WDFY2: variants seen among roughly 807,000 people sequenced by gnomAD.
WDFY2 encodes the protein WD repeat and FYVE domain-containing protein 2.
WDFY2 carries 36 observed loss-of-function variants against 56.4 expected under a neutral mutation model. The observed-to-expected ratio is 0.64, with a 90% confidence interval of 0.49 to 0.84. WDFY2 has a LOEUF of 0.84. Ranked by LOEUF, WDFY2 falls within the 40% of genes least tolerant of loss-of-function variation. The pLI is 0.00. For missense variants in WDFY2, 444 were observed against 512.2 expected, an observed-to-expected ratio of 0.87 and a Z score of 1.29; for synonymous variants, 176 against 183.7, an observed-to-expected ratio of 0.96 and a Z score of 0.34.
chr13:51,751,465 C>T, intron 8 of WDFY2, 50 bp downstream of exon 8: 1 of 1,481,262 alleles, frequency 6.8e-7, no homozygotes, highest in Non-Finnish European at 9.4e-7. Context: ...GGCCCTGCCT[C>T]CCTTCCTGCT....
intron 1 of WDFY2, among the ~76,000 whole-genome samples, chr13:51,655,868 T>A (rs1319677889): frequency 1.3e-5 from 2 of 152,128 alleles, no homozygotes; most frequent in Admixed American, 6.5e-5. Flanking sequence ...ATCCATTTCT[T>A]CTTGAGTCAG....
intron 1 of WDFY2, among the ~76,000 whole-genome samples, chr13:51,645,295 G>T (rs1227471085): frequency 1.3e-5 from 2 of 151,974 alleles, no homozygotes; most frequent in African/African-American, 4.8e-5. Flanking sequence ...GAAATTCAGG[G>T]CCTTCAAAAC....
intron 2 of WDFY2, 77 bp from the exon 3 acceptor site, chr13:51,675,093 T>G (rs1487641992): frequency 7.4e-7 from 1 of 1,353,864 alleles, no homozygotes; most frequent in African/African-American, 1.4e-5. Context: ...AGCCCCACAC[T>G]TTTAGCTAGT....
chr13:51,665,443 A>T (rs1044359543), intron 2 of WDFY2, among the ~76,000 whole-genome samples: 1 of 152,206 alleles, frequency 6.6e-6, no homozygotes, highest in East Asian at 1.9e-4. Flanking sequence ...TTCAACCACC[A>T]CAGTTGGATC....
chr13:51,705,077 G>T (rs1050242093), intron 4 of WDFY2, among the ~76,000 whole-genome samples: 7 of 152,188 alleles, frequency 4.6e-5, no homozygotes, highest in Admixed American at 1.3e-4. Context: ...ATGAAAGCCA[G>T]CTGCCATGTT....
intron 1 of WDFY2, among the ~76,000 whole-genome samples, chr13:51,625,776 G>A (rs1566321814): frequency 6.6e-6 from 1 of 152,316 alleles, no homozygotes; most frequent in East Asian, 1.9e-4. Context: ...CTGGCTGAGG[G>A]CGGAATGCTG....
intron 10 of WDFY2, among the ~76,000 whole-genome samples, chr13:51,756,909 CAGTT>C (rs1202698842): frequency 1.3e-5 from 2 of 152,166 alleles, no homozygotes; most frequent in African/African-American, 2.4e-5. Context: ...CCCAGTTGCC[CAGTT>C]ACTCAGCTGG....
intron 1 of WDFY2, among the ~76,000 whole-genome samples, chr13:51,602,867 T>C (rs1954312905): frequency 6.6e-6 from 1 of 152,222 alleles, no homozygotes; most frequent in South Asian, 2.1e-4. Context: ...TAGCTTTTTC[T>C]CCAAATGGGT....
intron 1 of WDFY2, among the ~76,000 whole-genome samples, chr13:51,646,370 C>T (rs187239753): frequency 1.3e-5 from 2 of 152,340 alleles, no homozygotes; most frequent in East Asian, 3.9e-4. Context: ...ATTTCAGACA[C>T]CATTATTTCT....
intron 6 of WDFY2, among the ~76,000 whole-genome samples, chr13:51,731,213 T>G (rs1280851176): frequency 6.6e-6 from 1 of 152,182 alleles, no homozygotes; most frequent in East Asian, 1.9e-4. Context: ...TTCTTGACTC[T>G]AAAGTAATCA....
At chr13:51,590,511 T>A (rs1247164541) in intron 1 of WDFY2, 1 of 152,134 alleles carries the variant, frequency 6.6e-6, no homozygotes, top group Non-Finnish European at 1.5e-5. Flanking sequence ...TTAAAACACT[T>A]TGTGGCATTT....
intron 1 of WDFY2, among the ~76,000 whole-genome samples, chr13:51,629,148 C>CA (rs1954899472): frequency 6.6e-6 from 1 of 152,190 alleles, no homozygotes; most frequent in Non-Finnish European, 1.5e-5. Context: ...GGAAGTCTCT[C>CA]AAGCTGTTCT....
At chr13:51,622,398 G>C (rs1377024465) in intron 1 of WDFY2, among the ~76,000 whole-genome samples, 1 of 151,546 alleles carries the variant, frequency 6.6e-6, no homozygotes, top group Non-Finnish European at 1.5e-5. Flanking sequence ...ACATTTCTTT[G>C]TAGCCACTGT....
intron 1 of WDFY2, among the ~76,000 whole-genome samples, chr13:51,601,562 C>T (rs552178599): frequency 5.3e-5 from 8 of 152,246 alleles, no homozygotes; most frequent in African/African-American, 1.7e-4. Context: ...TTACAGGCAC[C>T]TGCCACCATG....
In WDFY2 at chr13:51,584,580, C is replaced by T; in HGVS notation, c.-108C>T. On this transcript the variant is annotated 5_prime_UTR_variant, in exon 1 of 12. Coordinates refer to ENST00000298125, the MANE Select transcript of WDFY2 (RefSeq NM_052950.4). ...CTCGCCGGTTTCCGGCGTTCCGCTCCGGCCAGCCAGAGTCTCTGTCTCAAC... is the reference window on the plus strand; with the variant it reads ...CTCGCCGGTTTCCGGCGTTCCGCTCTGGCCAGCCAGAGTCTCTGTCTCAAC... The T allele has an allele frequency of 2.9e-6, 4 of 1,398,484 alleles. No homozygotes were observed. The Middle Eastern group carries it at 7.9e-4, about 275-fold the overall frequency. 86.6% of individuals were successfully genotyped at this position (1,398,484 alleles called of 1,614,324 possible).
intron 1 of WDFY2, chr13:51,587,525 A>T (rs978152195): frequency 3.3e-5 from 5 of 152,220 alleles, no homozygotes; most frequent in African/African-American, 1.2e-4. Flanking sequence ...ACAAGTATAC[A>T]CTTGTAGGAA....
intron 1 of WDFY2, among the ~76,000 whole-genome samples, chr13:51,639,594 G>A (rs1041127813): frequency 6.6e-6 from 1 of 152,090 alleles, no homozygotes. Context: ...GAAATGGTTA[G>A]TCTTATTTTT....
chr13:51,633,169 A>T (rs1461515702), intron 1 of WDFY2, among the ~76,000 whole-genome samples: 2 of 152,180 alleles, frequency 1.3e-5, no homozygotes, highest in Admixed American at 1.3e-4. Context: ...TGGCCTAGGC[A>T]TCCAGGCAGA....
chr13:51,591,641 T>C (rs1954045850), intron 1 of WDFY2: 1 of 152,246 alleles, frequency 6.6e-6, no homozygotes. Flanking sequence ...TTTTCTGTTC[T>C]GTTGCAGCCC....
Sources: gnomAD v4.1 joint callset for allele counts (sites outside exome capture counted in the v4.1 genomes callset) on GRCh38, gnomAD v4.1.1 for gene constraint, MANE v1.5 for transcripts, NCBI Gene and HGNC (gene_info 2026-07-23, HGNC 2026-07-21) for gene names.